Variants in NSD2 observed in about 807,000 individuals in gnomAD.
NSD2 encodes nuclear receptor binding SET domain protein 2.
Under a neutral mutation model 139.0 loss-of-function variants are expected in NSD2, and 12 were observed. That is an observed-to-expected ratio of 0.09 (90% CI 0.06 to 0.14). The LOEUF (loss-of-function observed/expected upper bound fraction) is 0.14. Among genes scored for constraint, NSD2 ranks in the 10% least tolerant of loss-of-function variants. The probability of loss-of-function intolerance (pLI) is 1.00; values close to 1 mark genes in which losing one functional copy is unlikely to be tolerated. For synonymous variants in NSD2, 669 were observed against 648.7 expected, an observed-to-expected ratio of 1.03 and a Z score of -0.48; for missense variants, 1,155 against 1,745.0, an observed-to-expected ratio of 0.66 and a Z score of 6.02.
chr4:1,872,215 G>A (rs867056224), intron 1 of NSD2, among the ~76,000 whole-genome samples: 5 of 152,108 alleles, frequency 3.3e-5, no homozygotes, highest in Admixed American at 2.6e-4. Context: ...GCCGGGTGTG[G>A]GTACCCTGCT....
chr4:1,883,484 T>C (rs1406975851), intron 1 of NSD2, among the ~76,000 whole-genome samples: 1 of 151,784 alleles, frequency 6.6e-6, no homozygotes, highest in Non-Finnish European at 1.5e-5. Context: ...ATACAAAAAA[T>C]AGCTGGGCGT....
intron 1 of NSD2, among the ~76,000 whole-genome samples, chr4:1,880,633 C>A (rs908756863): frequency 6.6e-6 from 1 of 151,208 alleles, no homozygotes; most frequent in Non-Finnish European, 1.5e-5. Flanking sequence ...AAAATCAAAC[C>A]TGAGTCCAGT....
intron 9 of NSD2, chr4:1,940,749 C>G (rs1380938550): frequency 1.9e-6 from 2 of 1,060,186 alleles, no homozygotes; most frequent in African/African-American, 3.3e-5. Flanking sequence ...CACTTCTGGC[C>G]AGGTCTCTGC....
rs1725096604 is a variant in NSD2 at position 1,958,904 on chromosome 4, C to G, written c.2986-567C>G. ...TTCCCTAAGATTATGCATTTCTACC[C>G]CAGCTGATTTTCAGCTGTCTCTACT... is the stretch of plus-strand genomic sequence containing the variant. On this transcript the variant is annotated intron_variant, in intron 16 of 21. Coordinates refer to ENST00000508803, the MANE Select transcript of NSD2 (RefSeq NM_001042424.3). The surrounding 1 kb of genome is among the most constrained non-coding windows in gnomAD (Gnocchi z 4.6). Among the ~76,000 whole-genome samples the G allele has an allele frequency of 1.3e-5, 2 of 152,168 alleles. No homozygotes were observed. The highest frequency in any genetic ancestry group is 4.8e-5 in the African/African-American group (2 of 41,442).
intron 1 of NSD2, among the ~76,000 whole-genome samples, chr4:1,898,482 G>A (rs986048191): frequency 1.3e-5 from 2 of 152,008 alleles, no homozygotes; most frequent in African/African-American, 4.8e-5. Context: ...GGGTAACACG[G>A]TGAAACCCCG....
chr4:1,981,143 C>T lies in NSD2; in HGVS notation c.*2234C>T. On this transcript the variant is annotated 3_prime_UTR_variant, in exon 22 of 22. Transcript: ENST00000508803. Reference sequence around the variant, plus strand: ...TTTTTAATCGCTTTGATAATACTTCCAAATTTTATGATTTTTCTGAAGGAA... The same window carrying T: ...TTTTTAATCGCTTTGATAATACTTCTAAATTTTATGATTTTTCTGAAGGAA... 8.6e-6 allele frequency: 2 copies of T among 233,272 alleles called. No individual in the cohort carries two copies. Among genetic ancestry groups the T allele is most frequent in the Non-Finnish European group, 1.7e-5 (2 of 118,048 alleles). 14.5% of individuals were successfully genotyped at this position (233,272 alleles called of 1,614,324 possible).
At chr4:1,953,124 C>G in intron 11 of NSD2, 200 bp from the exon 12 acceptor site, 1 of 1,535,084 alleles carries the variant, frequency 6.5e-7, no homozygotes, top group Non-Finnish European at 8.8e-7. Context: ...GAGCTCAGAT[C>G]GCAGCAAGGT....
chr4:1,943,684 T>C, intron 9 of NSD2: 1 of 1,049,192 alleles, frequency 9.5e-7, no homozygotes, highest in Non-Finnish European at 1.2e-6. Context: ...GCTGTGTTAC[T>C]CCAAAGGACA....
Position 1,976,724 on chromosome 4 carries a change from C to T in NSD2, c.3826+45C>T, listed in dbSNP as rs746213971. ...GTGGCTTGCAGCTGTGTCTGTGTGG[C>T]AGGCTCCTGATGGCGGCTGCTGCCG... On this transcript the variant is annotated intron_variant, in intron 21 of 21. Transcript: ENST00000508803. This position sits in a 1 kb window ranked among gnomAD's most constrained non-coding sequence, Gnocchi z 5.3. 2.9e-5 allele frequency: 45 copies of T among 1,529,402 alleles called. No individual in the cohort carries two copies. The highest frequency in any genetic ancestry group is 3.6e-5 in the Non-Finnish European group (41 of 1,135,034). The allele number at this position is 1,529,402 out of a possible 1,614,324, so 94.7% of individuals were successfully genotyped here.
At chr4:1,872,633 A>AGAGAGAGAGAGAGAGAGAGAGAGAGAGC (rs1203166315) in intron 1 of NSD2, among the ~76,000 whole-genome samples, 1 of 131,034 alleles carries the variant, frequency 7.6e-6, no homozygotes, top group Non-Finnish European at 1.7e-5. Flanking sequence ...AGAGAGAGAG[A>AGAGAGAGAGAGAGAGAGAGAGAGAGAGC]GAGCGCGCAG....
At position 1,942,258 on chromosome 4, in the gene NSD2, G is replaced by A. The variant is rs1439820950; in HGVS notation, c.1881+2480G>A. On this transcript the variant is annotated intron_variant, in intron 9 of 21. Coordinates refer to ENST00000508803, the MANE Select transcript of NSD2 (RefSeq NM_001042424.3). This position sits in a 1 kb window ranked among gnomAD's most constrained non-coding sequence, Gnocchi z 4.0. Reference sequence around the variant, plus strand: ...GACAAAGGCCTGTGAAGGAATTAATGTGATTTAAGTGTTTTGTAACTTCAT... The same window carrying A: ...GACAAAGGCCTGTGAAGGAATTAATATGATTTAAGTGTTTTGTAACTTCAT... The A allele has an allele frequency of 6.3e-7, 1 of 1,577,954 alleles. No individual in the cohort carries two copies.
In NSD2 at chr4:1,952,091, C is replaced by T. The variant is rs778513491; in HGVS notation, c.2014-17C>T. The T allele has an allele frequency of 1.2e-6, 2 of 1,612,962 alleles. No homozygotes were observed. The highest frequency in any genetic ancestry group is 2.2e-5 in the South Asian group (2 of 91,000). On this transcript the variant is annotated splice_polypyrimidine_tract_variant and intron_variant, in intron 10 of 21. Coordinates refer to ENST00000508803, the MANE Select transcript of NSD2 (RefSeq NM_001042424.3). ...GGACTGCCGGGCGCTGCTTACCCGC[C>T]TGCTCTGCCCCCGCAGCTGTGTGAG...
chr4:1,955,567 C>T lies in NSD2; in HGVS notation c.2519-126C>T, dbSNP rs1452596275. 2 of 1,292,284 alleles carry T rather than the reference C, an allele frequency of 1.5e-6. No individual in the cohort carries two copies. The highest frequency in any genetic ancestry group is 2.1e-6 in the Non-Finnish European group (2 of 965,904). 80.1% of individuals were successfully genotyped at this position (1,292,284 alleles called of 1,614,324 possible). On this transcript the variant is annotated intron_variant, in intron 13 of 21. Coordinates refer to ENST00000508803, the MANE Select transcript of NSD2 (RefSeq NM_001042424.3). The surrounding 1 kb of genome is among the most constrained non-coding windows in gnomAD (Gnocchi z 4.7). ...TGACATTTGCTCTCGTGCTGATGTA[C>T]AGATCGCTGTTTTAAAACTGATGTT...
intron 18 of NSD2, among the ~76,000 whole-genome samples, chr4:1,964,797 C>T (rs1163870478): frequency 6.6e-6 from 1 of 151,826 alleles, no homozygotes; most frequent in Admixed American, 6.6e-5. Flanking sequence ...AATTCAAAAA[C>T]AACTATGGGG....
At chr4:1,907,841 GACCTTGTGATCCACCC>G (rs964532027) in intron 3 of NSD2, among the ~76,000 whole-genome samples, 1 of 152,060 alleles carries the variant, frequency 6.6e-6, no homozygotes, top group Non-Finnish European at 1.5e-5. Context: ...TTGATCTCTT[GACCTTGTGATCCACCC>G]ACCTTGGCCT....
chr4:1,968,401 G>T (rs148595382), intron 18 of NSD2, among the ~76,000 whole-genome samples: 11 of 152,308 alleles, frequency 7.2e-5, no homozygotes, highest in Admixed American at 6.5e-5. Flanking sequence ...GCGTGGTGAC[G>T]CCAGGGTGAG....
At position 1,924,878 on chromosome 4, in the gene NSD2, C is replaced by G. The variant is rs900522977; in HGVS notation, c.1411-5748C>G. ...GAAGGTCGAGGCTGCAGTGAGCCAT[C>G]ATTGCGCCACTGCACTCCAGTTTGG... On this transcript the variant is annotated intron_variant, in intron 5 of 21. Coordinates refer to ENST00000508803, the MANE Select transcript of NSD2 (RefSeq NM_001042424.3). Among the ~76,000 whole-genome samples, 3 of 152,152 alleles carry G rather than the reference C, an allele frequency of 2.0e-5. No homozygotes were observed. In the East Asian group the frequency reaches 5.8e-4, roughly 29 times the overall value.
At position 1,933,747 on chromosome 4, in the gene NSD2, A is replaced by C. The variant is rs555386977; in HGVS notation, c.1556-1397A>C. 2.6e-4 allele frequency among the ~76,000 whole-genome samples: 40 copies of C among 152,296 alleles called. No individual in the cohort carries two copies. The East Asian group carries it at 3.5e-3, about 13-fold the overall frequency. ...AATAAAAACCCTGAACCCCTCCGTA[A>C]AGCAGTCATGCAAATGATAATATTG... On this transcript the variant is annotated intron_variant, in intron 6 of 21. Coordinates refer to ENST00000508803, the MANE Select transcript of NSD2 (RefSeq NM_001042424.3).
chr4:1,880,535 A>G (rs559468565), intron 1 of NSD2, among the ~76,000 whole-genome samples: 1 of 151,938 alleles, frequency 6.6e-6, no homozygotes, highest in South Asian at 2.1e-4. Flanking sequence ...TGGGTTTTAT[A>G]GGCCTGTAAT....
Sources: allele counts gnomAD v4.1 joint callset (sites outside exome capture counted in the v4.1 genomes callset), GRCh38; gene constraint gnomAD v4.1.1; non-coding constraint Gnocchi (gnomAD v3.1); transcripts MANE v1.5; gene names NCBI Gene and HGNC (gene_info 2026-07-23, HGNC 2026-07-21).